Variants in BSG observed in about 807,000 individuals in gnomAD.
BSG encodes the protein basigin.
BSG carries 37 observed loss-of-function variants against 43.1 expected under a neutral mutation model. That is an observed-to-expected ratio of 0.86 (90% CI 0.66 to 1.13). BSG has a LOEUF of 1.13. BSG is among the 50% of genes most tolerant of loss of function. The pLI is 0.00. For synonymous variants in BSG, 309 were observed against 238.7 expected (o/e 1.29, Z -2.72); for missense variants, 599 against 554.2 (o/e 1.08, Z -0.81).
At chr19:580,081 G>A (rs980452742) in intron 3 of BSG, 2 of 451,394 alleles carry the variant, frequency 4.4e-6, no homozygotes, top group South Asian at 5.5e-5. Flanking sequence ...AGAGCCTTTT[G>A]TTTTCAGGCT....
At position 581,486 on chromosome 19, in the gene BSG, C is replaced by T. The variant is rs1054501669; in HGVS notation, c.964C>T (p.Leu322=). ...AIITLRVRSH[L]AALWPFLGIV... Reference sequence around the variant, plus strand: ...CATCACGCTCCGCGTGCGCAGCCACCTGGCCGCCCTCTGGCCCTTCCTGGG... The same window carrying T: ...CATCACGCTCCGCGTGCGCAGCCACTTGGCCGCCCTCTGGCCCTTCCTGGG... The change falls in exon 6 of 9, where the codon CTG becomes TTG. Residue 322 remains leucine, a synonymous_variant. Coordinates refer to ENST00000333511, the MANE Select transcript of BSG (RefSeq NM_001728.4). The T allele has an allele frequency of 3.7e-6, 6 of 1,602,708 alleles. No individual in the cohort carries two copies. The highest frequency in any genetic ancestry group is 5.1e-6 in the Non-Finnish European group (6 of 1,175,368).
chr19:579,670 C>A lies in BSG; in HGVS notation c.572+14C>A. The A allele has an allele frequency of 6.3e-7, 1 of 1,592,130 alleles. No homozygotes were observed. Among genetic ancestry groups the A allele is most frequent in the African/African-American group, 1.3e-5 (1 of 74,592 alleles). ...AACGGAGTTCAAGTGAGTGCCTGAC[C>A]ACGCCATGCCGCCACCTGCCCCTTC... On this transcript the variant is annotated intron_variant, in intron 3 of 8. Coordinates refer to ENST00000333511, the MANE Select transcript of BSG (RefSeq NM_001728.4).
At chr19:580,294 C>CGTG (rs1349139343) in intron 3 of BSG, 85 bp from the exon 4 acceptor site, 1 of 1,262,688 alleles carries the variant, frequency 7.9e-7, no homozygotes, top group African/African-American at 1.5e-5. Context: ...TTCACTGTGC[C>CGTG]GTGGTTGGGC....
At chr19:573,610 G>A (rs1458275896) in intron 1 of BSG, among the ~76,000 whole-genome samples, 1 of 152,156 alleles carries the variant, frequency 6.6e-6, no homozygotes, top group Non-Finnish European at 1.5e-5. Context: ...CTCTGATTCT[G>A]CCTGGATTCA....
intron 2 of BSG, chr19:578,720 G>A (rs1026868541): frequency 3.5e-6 from 1 of 288,242 alleles, no homozygotes; most frequent in Admixed American, 5.0e-5. Context: ...GCCTTGGCCG[G>A]GGGTGCTGTG....
Position 582,178 on chromosome 19 carries a change from C to T in BSG, c.1070-128C>T, listed in dbSNP as rs983000267. The T allele has an allele frequency of 3.5e-5, 45 of 1,303,068 alleles. No homozygotes were observed. The South Asian group carries it at 3.8e-4, about 11-fold the overall frequency. 80.7% of individuals were successfully genotyped at this position (1,303,068 alleles called of 1,614,324 possible). A position where few individuals can be genotyped will look rare whatever the true frequency, so the allele number is the denominator to read the frequency against. On this transcript the variant is annotated intron_variant, in intron 6 of 8. Transcript: ENST00000333511. ...CGTGGCCGGGGCTGATGAGCTGCCC[C>T]GAGCCACCCCTGGGGGTCACTGAGG...
rs1016145176 is a variant in BSG, at chr19:580,590, C to T, written c.656-56C>T. 9.5e-5 allele frequency: 153 copies of T among 1,608,224 alleles called. No individual in the cohort carries two copies. Among genetic ancestry groups the T allele is most frequent in the Non-Finnish European group, 1.2e-4 (141 of 1,177,016 alleles). ...AGGGGAACAGCCCTCCTGCGGGAGGCCGGGGATGGGGGCGGGCCTGCGGTT... is the reference window on the plus strand; with the variant it reads ...AGGGGAACAGCCCTCCTGCGGGAGGTCGGGGATGGGGGCGGGCCTGCGGTT... On this transcript the variant is annotated intron_variant, in intron 4 of 8. Transcript: ENST00000333511.
At chr19:572,552 C>T (rs1050415076), upstream of BSG, 35 of 1,387,222 alleles carry the variant, frequency 2.5e-5, no homozygotes, top group Middle Eastern at 2.0e-4. Context: ...CGCGCCCGGT[C>T]CGCGCCTCCG....
intron 1 of BSG, among the ~76,000 whole-genome samples, 181 bp downstream of exon 1, chr19:572,882 AG>A (rs2145883538): frequency 6.6e-6 from 1 of 151,760 alleles, no homozygotes; most frequent in South Asian, 2.1e-4. Flanking sequence ...CCAGGGTTTG[AG>A]GGGGGACTAG....
chr19:580,496 G>A lies in BSG; in HGVS notation c.655+35G>A, dbSNP rs372036679. ...GCAGCCAGGGGTACCGGGCACCACC[G>A]ACTGTCGGGAGAAGTTGTTGGCCTG... On this transcript the variant is annotated intron_variant, in intron 4 of 8. Transcript: ENST00000333511. 2.9e-5 allele frequency: 47 copies of A among 1,607,848 alleles called. No homozygotes were observed. The African/African-American group carries it at 3.3e-4, about 11-fold the overall frequency.
chr19:572,693 C>G lies in BSG; in HGVS notation c.59C>G (p.Ser20Cys), dbSNP rs750885567. ...GCGCTGCTGGGCACCCACGGAGCCT[C>G]CGGGGCTGGTGAGGAGCGGGTAGGG... ...GFALLGTHGASGAAGFVQAPL... is the reference protein window; with the variant it reads ...GFALLGTHGACGAAGFVQAPL... The change falls in exon 1 of 9, where the codon TCC becomes TGC. Residue 20 changes from serine to cysteine, a missense_variant. Ser to Cys is a moderately radical substitution (Grantham distance 112, BLOSUM62 -1). Coordinates refer to ENST00000333511, the MANE Select transcript of BSG (RefSeq NM_001728.4). The G allele has an allele frequency of 6.7e-7, 1 of 1,485,900 alleles. No homozygotes were observed. Among genetic ancestry groups the G allele is most frequent in the African/African-American group, 1.4e-5 (1 of 69,090 alleles). 92.0% of individuals were successfully genotyped at this position (1,485,900 alleles called of 1,614,324 possible).
intron 2 of BSG, among the ~76,000 whole-genome samples, chr19:578,414 G>A (rs1981977395): frequency 6.6e-6 from 1 of 152,246 alleles, no homozygotes; most frequent in South Asian, 2.1e-4. Flanking sequence ...TGCTTCCCCG[G>A]GCGCCTGCCC....
At chr19:575,225 T>C (rs1277651551) in intron 1 of BSG, 1 of 152,430 alleles carries the variant, frequency 6.6e-6, no homozygotes, top group Non-Finnish European at 1.5e-5. Flanking sequence ...AACCCCACTT[T>C]TGCTGGGGAC....
At chr19:582,415 C>T (rs1405072746) in intron 7 of BSG, 85 bp downstream of exon 7, 2 of 1,495,448 alleles carry the variant, frequency 1.3e-6, no homozygotes, top group African/African-American at 1.4e-5. Context: ...AGCCCCTGGG[C>T]TTCAGTATTC....
At chr19:572,451 C>A, upstream of BSG, 2 of 1,150,986 alleles carry the variant, frequency 1.7e-6, no homozygotes, top group Non-Finnish European at 2.1e-6. Context: ...CCGGAGCCGG[C>A]GCGTACATGC....
Position 582,583 on chromosome 19 carries a change from G to T in BSG, c.*5+1G>T, listed in dbSNP as rs571917645. 11 of 1,592,184 alleles carry T rather than the reference G, an allele frequency of 6.9e-6. No individual in the cohort carries two copies. In the Admixed American group the frequency reaches 1.9e-4, roughly 28 times the overall value. ...GCCAGAGGAACTCTTCCTGAGGCAG[G>T]TGCGGTGGGCGGGAGCTCCTCCTGA... On this transcript the variant is annotated splice_donor_variant, in intron 8 of 8. Coordinates refer to ENST00000333511, the MANE Select transcript of BSG (RefSeq NM_001728.4). LOFTEE classifies it low-confidence loss of function (3UTR_SPLICE).
At chr19:582,694 C>A in intron 8 of BSG, 56 bp from the exon 9 acceptor site, 1 of 1,191,862 alleles carries the variant, frequency 8.4e-7, no homozygotes, top group Non-Finnish European at 1.2e-6. Flanking sequence ...CTCCTGGGTC[C>A]CGCCTGTGGG....
At chr19:582,726 C>G in intron 8 of BSG, 24 bp from the exon 9 acceptor site, 1 of 859,080 alleles carries the variant, frequency 1.2e-6, no homozygotes, top group Admixed American at 2.4e-5. Flanking sequence ...TGGGTCCAGT[C>G]TGAGCGCCCC....
upstream of BSG, chr19:571,739 G>T: frequency 1.5e-6 from 1 of 672,908 alleles, no homozygotes; most frequent in Non-Finnish European, 2.7e-6. Flanking sequence ...AATCTCCAGA[G>T]CACACGGGAC....
Sources: gnomAD v4.1 joint callset for allele counts (sites outside exome capture counted in the v4.1 genomes callset) on GRCh38, gnomAD v4.1.1 for gene constraint, MANE v1.5 for transcripts, NCBI Gene and HGNC (gene_info 2026-07-23, HGNC 2026-07-21) for gene names.